NR2F1-AS1: variants seen among roughly 807,000 people sequenced by gnomAD.
NR2F1-AS1 encodes NR2F1 antisense RNA 1.
At chr5:93,420,607 A>T (rs1749069365) in intron 4 of NR2F1-AS1, among the ~76,000 whole-genome samples, 1 of 152,198 alleles carries the variant, frequency 6.6e-6, no homozygotes, top group South Asian at 2.1e-4. Flanking sequence ...GAGGCCAACA[A>T]AATGTCAAAG....
chr5:93,524,019 A>G (rs766539101), intron 4 of NR2F1-AS1, among the ~76,000 whole-genome samples: 1 of 152,140 alleles, frequency 6.6e-6, no homozygotes, highest in Non-Finnish European at 1.5e-5. Context: ...AAAAATTGAC[A>G]GAAGTAGACT....
At chr5:93,517,926 G>C (rs561180512) in intron 4 of NR2F1-AS1, among the ~76,000 whole-genome samples, 1 of 152,070 alleles carries the variant, frequency 6.6e-6, no homozygotes, top group African/African-American at 2.4e-5. Flanking sequence ...GTTTCAACTA[G>C]AAGGAAAAAT....
intron 4 of NR2F1-AS1, among the ~76,000 whole-genome samples, chr5:93,413,841 G>A (rs915617823): frequency 6.6e-6 from 1 of 152,150 alleles, no homozygotes; most frequent in African/African-American, 2.4e-5. Flanking sequence ...TTCATGTATT[G>A]AGTACATCCC....
At chr5:93,429,579 C>T (rs1749267618) in intron 4 of NR2F1-AS1, among the ~76,000 whole-genome samples, 1 of 152,176 alleles carries the variant, frequency 6.6e-6, no homozygotes, top group Non-Finnish European at 1.5e-5. Context: ...TAAATGGTTT[C>T]TGAGCTCTTT....
intron 4 of NR2F1-AS1, among the ~76,000 whole-genome samples, chr5:93,465,178 T>C (rs1750199721): frequency 6.6e-6 from 1 of 152,212 alleles, no homozygotes; most frequent in African/African-American, 2.4e-5. Context: ...TCTACTCACC[T>C]GTCAAAGGGC....
chr5:93,411,784 G>A (rs1748862842), intron 4 of NR2F1-AS1, among the ~76,000 whole-genome samples: 1 of 152,110 alleles, frequency 6.6e-6, no homozygotes, highest in Non-Finnish European at 1.5e-5. Flanking sequence ...CCCCTACCAG[G>A]TAAGGATTCT....
chr5:93,562,961 A>G (rs1752528379), intron 2 of NR2F1-AS1, among the ~76,000 whole-genome samples: 1 of 152,214 alleles, frequency 6.6e-6, no homozygotes, highest in Non-Finnish European at 1.5e-5. Context: ...TTTTTACATC[A>G]TGCAAATCTA....
chr5:93,442,545 G>A (rs1467760571), intron 4 of NR2F1-AS1, among the ~76,000 whole-genome samples: 3 of 152,200 alleles, frequency 2.0e-5, no homozygotes, highest in Non-Finnish European at 4.4e-5. Flanking sequence ...TGGCTGGGAA[G>A]CTCAAACTGG....
At chr5:93,548,897 A>C (rs117052779) in intron 4 of NR2F1-AS1, among the ~76,000 whole-genome samples, 1 of 152,254 alleles carries the variant, frequency 6.6e-6, no homozygotes, top group East Asian at 1.9e-4. Flanking sequence ...ATAAAAAATA[A>C]ACAAGTAAAT....
At chr5:93,521,588 T>C (rs1429760791) in intron 4 of NR2F1-AS1, among the ~76,000 whole-genome samples, 2 of 151,996 alleles carry the variant, frequency 1.3e-5, no homozygotes, top group African/African-American at 2.4e-5. Flanking sequence ...AAGACATACA[T>C]GCAGCCAACA....
intron 4 of NR2F1-AS1, among the ~76,000 whole-genome samples, chr5:93,547,780 A>C (rs1017067589): frequency 1.3e-5 from 2 of 152,196 alleles, no homozygotes; most frequent in African/African-American, 2.4e-5. Flanking sequence ...TGTTTATATC[A>C]CCAGAATAGA....
At chr5:93,469,757 C>CA (rs1387405715) in intron 4 of NR2F1-AS1, among the ~76,000 whole-genome samples, 1 of 152,062 alleles carries the variant, frequency 6.6e-6, no homozygotes, top group Non-Finnish European at 1.5e-5. Context: ...CCTACATCCA[C>CA]ACTCCCTGTC....
intron 4 of NR2F1-AS1, among the ~76,000 whole-genome samples, chr5:93,551,828 C>G (rs1023500256): frequency 8.6e-5 from 13 of 152,000 alleles, no homozygotes; most frequent in African/African-American, 2.9e-4. Flanking sequence ...ATAATAAATG[C>G]TTGGTTTTTC....
chr5:93,506,332 C>T (rs1389886449), intron 4 of NR2F1-AS1, among the ~76,000 whole-genome samples: 1 of 152,160 alleles, frequency 6.6e-6, no homozygotes, highest in African/African-American at 2.4e-5. Flanking sequence ...CCCACATTTT[C>T]CTATCTTCTT....
chr5:93,416,923 T>C (rs1464247172), intron 4 of NR2F1-AS1, among the ~76,000 whole-genome samples: 1 of 152,250 alleles, frequency 6.6e-6, no homozygotes, highest in Admixed American at 6.5e-5. Flanking sequence ...CTGGCATTTA[T>C]GAAGTAACTA....
At chr5:93,571,297 G>C (rs1430127789) in intron 1 of NR2F1-AS1, 2 of 151,770 alleles carry the variant, frequency 1.3e-5, no homozygotes, top group East Asian at 3.9e-4. Flanking sequence ...AAAGAGTCTG[G>C]ACCCGGGACC....
At chr5:93,581,293 G>C (rs1753024057), upstream of NR2F1-AS1, 1 of 152,470 alleles carries the variant, frequency 6.6e-6, no homozygotes, top group Non-Finnish European at 1.5e-5. Context: ...GGCAGCGGCG[G>C]CTTTGTCACT....
chr5:93,544,402 A>G (rs771455623), intron 4 of NR2F1-AS1, among the ~76,000 whole-genome samples: 1 of 152,200 alleles, frequency 6.6e-6, no homozygotes, highest in Non-Finnish European at 1.5e-5. Context: ...GCCATAGAAT[A>G]TATAATTATA....
At chr5:93,437,765 A>G (rs757513536) in intron 4 of NR2F1-AS1, among the ~76,000 whole-genome samples, 14 of 152,230 alleles carry the variant, frequency 9.2e-5, no homozygotes, top group Non-Finnish European at 1.6e-4. Context: ...ACAAGCAACT[A>G]TCACGTTATT....
Sources: gnomAD v4.1 joint callset for allele counts (sites outside exome capture counted in the v4.1 genomes callset) on GRCh38, gnomAD v4.1.1 for gene constraint, MANE v1.5 for transcripts, NCBI Gene and HGNC (gene_info 2026-07-23, HGNC 2026-07-21) for gene names.